The following MYH11 variants were observed in gnomAD, a reference collection of about 807,000 sequenced individuals.
The protein encoded by MYH11 is myosin-11.
In MYH11, 80 loss-of-function variants were observed where a neutral mutation model predicts 246.6. That is an observed-to-expected ratio of 0.32 (90% CI 0.27 to 0.39). MYH11 has a LOEUF of 0.39. Among genes scored for constraint, MYH11 ranks in the 10% least tolerant of loss-of-function variants. MYH11 has a pLI of 1.00. For synonymous variants in MYH11, 1,071 were observed against 1,015.5 expected (o/e 1.05, Z -1.04); for missense variants, 2,158 against 2,546.8 (o/e 0.85, Z 3.29).
intron 8 of MYH11, among the ~76,000 whole-genome samples, chr16:15,774,790 T>C (rs975245525): frequency 2.0e-5 from 3 of 152,186 alleles, no homozygotes; most frequent in Non-Finnish European, 4.4e-5. Context: ...GGTTTCACTA[T>C]CTTGGCCGAG....
In MYH11 at chr16:15,717,174, C is replaced by A; in HGVS notation, c.5470G>T (p.Ala1824Ser). Reference protein sequence around the residue: ...STIAALEAKIAQLEEQVEQEA... With the variant: ...STIAALEAKISQLEEQVEQEA... ...TGCTCGACCTGCTCCTCCAGCTGTG[C>A]AATCTTGGCCTCCAGCGCCGCGATG... The change falls in exon 38 of 41, where the codon GCA (alanine) becomes TCA (serine). Residue 1824 changes from alanine (A) to serine (S), a missense_variant. Physicochemically the swap from Ala to Ser is moderately conservative, Grantham distance 99. Around this residue, in one of 11 missense-constraint regions of MYH11, gnomAD observed 1,013 missense variants for 993.5 expected, o/e 1.02. Coordinates refer to ENST00000300036, the MANE Select transcript of MYH11 (RefSeq NM_002474.3). The A allele has an allele frequency of 6.2e-7, 1 of 1,614,204 alleles. No homozygotes were observed. The highest frequency in any genetic ancestry group is 8.5e-7 in the Non-Finnish European group (1 of 1,180,030).
At chr16:15,704,173 G>T in intron 40 of MYH11, 50 bp from the exon 41 acceptor site, 1 of 1,607,962 alleles carries the variant, frequency 6.2e-7, no homozygotes, top group African/African-American at 1.3e-5. Context: ...CTTCATGGTT[G>T]GGATAGATTT....
intron 20 of MYH11, among the ~76,000 whole-genome samples, chr16:15,744,523 G>C (rs1027627807): frequency 6.7e-6 from 1 of 149,724 alleles, no homozygotes; most frequent in Non-Finnish European, 1.5e-5. Flanking sequence ...AAAGAAAGAA[G>C]AGACAGAGTC....
At chr16:15,724,028 A>G in intron 31 of MYH11, 133 bp downstream of exon 31, 1 of 1,477,714 alleles carries the variant, frequency 6.8e-7, no homozygotes, top group Non-Finnish European at 9.3e-7. Flanking sequence ...ACAAGATAAG[A>G]CAGCCTCCCA....
In MYH11 at chr16:15,823,288, T is replaced by C. The variant is rs2043465085; in HGVS notation, c.469A>G (p.Ile157Val). 1.9e-6 allele frequency: 3 copies of C among 1,614,120 alleles called. No homozygotes were observed. Among genetic ancestry groups the C allele is most frequent in the Non-Finnish European group, 2.5e-6 (3 of 1,180,064 alleles). Residue 157 changes from isoleucine (I) to valine (V), a missense_variant, in exon 3 of 41, where the codon ATC becomes GTC. This residue lies in a region of MYH11 where 123 missense variants were observed against 207.1 expected (regional missense o/e 0.59). Coordinates refer to ENST00000300036, the MANE Select transcript of MYH11 (RefSeq NM_002474.3). ...ATGCTCCGGTAGGCCGTGTCTGCGA[T>C]GGCGTAGATGTGAGGCGGCATCTCG... ...RHEMPPHIYA[I>V]ADTAYRSMLQ... is the part of the protein sequence containing the mutation.
chr16:15,775,562 G>T (rs1449337946), intron 8 of MYH11, among the ~76,000 whole-genome samples: 4 of 152,166 alleles, frequency 2.6e-5, no homozygotes, highest in Non-Finnish European at 5.9e-5. Context: ...AAGCCACCTG[G>T]CCTGCAAAGC....
At chr16:15,829,193 A>C (rs1331851629) in intron 2 of MYH11, among the ~76,000 whole-genome samples, 1 of 152,072 alleles carries the variant, frequency 6.6e-6, no homozygotes, top group Non-Finnish European at 1.5e-5. Flanking sequence ...AGAAAAAAAA[A>C]AAAAGAATAA....
chr16:15,761,972 T>A (rs2041877529), intron 10 of MYH11, among the ~76,000 whole-genome samples: 1 of 152,166 alleles, frequency 6.6e-6, no homozygotes, highest in East Asian at 1.9e-4. Flanking sequence ...ACTTAGTTTA[T>A]AGTTTATTTT....
intron 4 of MYH11, among the ~76,000 whole-genome samples, chr16:15,798,099 C>T (rs1220506875): frequency 6.6e-6 from 1 of 152,134 alleles, no homozygotes; most frequent in East Asian, 1.9e-4. Flanking sequence ...AATGAATCAA[C>T]AATATATATT....
Position 15,804,047 on chromosome 16 carries a change from T to A in MYH11, c.503-5360A>T, listed in dbSNP as rs1277307445. ...GATTCCTTCCCCAAGCCTGAGCTTG[T>A]GTTGGACTCAAAAGCAGTGTTCTCC... On this transcript the variant is annotated intron_variant, in intron 3 of 40. Transcript: ENST00000300036. Among the ~76,000 whole-genome samples the A allele has an allele frequency of 2.0e-5, 3 of 152,210 alleles. No homozygotes were observed. The South Asian group carries it at 6.2e-4, about 32-fold the overall frequency.
chr16:15,853,939 G>T (rs1186792492), intron 1 of MYH11, among the ~76,000 whole-genome samples: 2 of 152,178 alleles, frequency 1.3e-5, no homozygotes, highest in Non-Finnish European at 2.9e-5. Flanking sequence ...GCTGAGGCTG[G>T]AGAAGTGCCT....
Position 15,710,503 on chromosome 16 carries a change from G to A in MYH11, c.5786+4406C>T, listed in dbSNP as rs141702809. Among the ~76,000 whole-genome samples the A allele has an allele frequency of 9.6e-3, 1,467 of 152,134 alleles. 17 individuals carry two copies. Among genetic ancestry groups the A allele is most frequent in the South Asian group, 0.04 (191 of 4,818 alleles). On this transcript the variant is annotated intron_variant, in intron 40 of 40. Coordinates refer to ENST00000300036, the MANE Select transcript of MYH11 (RefSeq NM_002474.3). ...GCCACTGCACTCCAGCCTGGCAACAGAGCTAGACTCCGTCTAAAAATAAAT... is the reference window on the plus strand; with the variant it reads ...GCCACTGCACTCCAGCCTGGCAACAAAGCTAGACTCCGTCTAAAAATAAAT...
At position 15,724,781 on chromosome 16, in the gene MYH11, TTTC is replaced by T. The variant is rs2040665323; in HGVS notation, c.3979_3981del (p.Glu1327del). 1 of 1,613,744 alleles carries T rather than the reference TTTC, an allele frequency of 6.2e-7. No individual in the cohort carries two copies. Among genetic ancestry groups the T allele is most frequent in the Non-Finnish European group, 8.5e-7 (1 of 1,179,964 alleles). On this transcript the variant is annotated inframe_deletion, in exon 30 of 41. Transcript: ENST00000300036. ...GTAGACACGTTGAGCTTCTGCCGGG[TTTC>T]TTCTTGAAGCAGCTCCTGCAAAAGG...
chr16:15,733,685 G>A (rs563805135), intron 26 of MYH11, among the ~76,000 whole-genome samples: 189 of 151,910 alleles, frequency 1.2e-3, no homozygotes, highest in African/African-American at 4.3e-3. Context: ...TGGGATTACC[G>A]ACGCCCACCA....
intron 5 of MYH11, among the ~76,000 whole-genome samples, chr16:15,783,809 G>A (rs2042408116): frequency 6.6e-6 from 1 of 152,086 alleles, no homozygotes; most frequent in Admixed American, 6.6e-5. Flanking sequence ...TTTTATAGAT[G>A]ATGAAACCAT....
chr16:15,844,864 C>T (rs1596949083), intron 1 of MYH11, among the ~76,000 whole-genome samples: 1 of 152,018 alleles, frequency 6.6e-6, no homozygotes, highest in Non-Finnish European at 1.5e-5. Flanking sequence ...AAGAGAAAGC[C>T]ACAGAGAACG....
intron 40 of MYH11, among the ~76,000 whole-genome samples, chr16:15,712,501 G>A (rs924504073): frequency 6.6e-5 from 10 of 151,836 alleles, no homozygotes; most frequent in African/African-American, 2.4e-4. Context: ...TATAAAAATA[G>A]GCCAAAAATA....
At chr16:15,855,057 G>A (rs2044427670) in intron 1 of MYH11, among the ~76,000 whole-genome samples, 1 of 152,094 alleles carries the variant, frequency 6.6e-6, no homozygotes, top group Non-Finnish European at 1.5e-5. Flanking sequence ...TCCATAAATG[G>A]GCATGTTTGC....
chr16:15,710,403 C>G, intron 40 of MYH11, among the ~76,000 whole-genome samples: 1 of 152,178 alleles, frequency 6.6e-6, no homozygotes, highest in East Asian at 1.9e-4. Flanking sequence ...CACCTGTAAT[C>G]TCAGCTACTT....
Sources: allele counts gnomAD v4.1 joint callset (sites outside exome capture counted in the v4.1 genomes callset), GRCh38; gene constraint gnomAD v4.1.1; regional missense constraint gnomAD v4.1.1; transcripts MANE v1.5; gene names NCBI Gene and HGNC (gene_info 2026-07-23, HGNC 2026-07-21).